PCDH9: variants seen among roughly 807,000 people sequenced by gnomAD.
PCDH9 encodes the protein protocadherin 9.
A neutral mutation model predicts 70.6 loss-of-function variants in PCDH9; 24 were observed. That is an observed-to-expected ratio of 0.34 (90% CI 0.25 to 0.48). The LOEUF (loss-of-function observed/expected upper bound fraction) is 0.48, where lower values mean the gene tolerates loss of function less well. Among genes scored for constraint, PCDH9 ranks in the 20% least tolerant of loss-of-function variants. PCDH9 has a pLI of 0.99. For synonymous variants in PCDH9, 562 were observed against 558.5 expected (o/e 1.01, Z -0.09); for missense variants, 1,281 against 1,503.6 (o/e 0.85, Z 2.45).
intron 4 of PCDH9, among the ~76,000 whole-genome samples, chr13:66,442,996 A>G (rs1053246034): frequency 8.5e-5 from 13 of 152,334 alleles, no homozygotes; most frequent in African/African-American, 3.1e-4. Context: ...ACACATTTCA[A>G]CAGGGCAAGC....
chr13:66,458,708 A>G (rs1958365610), intron 4 of PCDH9, among the ~76,000 whole-genome samples: 1 of 152,068 alleles, frequency 6.6e-6, no homozygotes, highest in Admixed American at 6.6e-5. Context: ...GTTATTACCT[A>G]GAAGACAAAT....
intron 4 of PCDH9, among the ~76,000 whole-genome samples, chr13:66,336,151 G>A (rs984131604): frequency 6.6e-6 from 1 of 152,094 alleles, no homozygotes; most frequent in African/African-American, 2.4e-5. Context: ...GCACAGGAGT[G>A]ATAGGACTAC....
chr13:67,026,339 C>T (rs1435431172), intron 2 of PCDH9, among the ~76,000 whole-genome samples: 1 of 151,726 alleles, frequency 6.6e-6, no homozygotes, highest in East Asian at 1.9e-4. Flanking sequence ...GGCTTTGGTA[C>T]CAGGATGATG....
chr13:66,793,988 A>C (rs1273355165), intron 3 of PCDH9, among the ~76,000 whole-genome samples: 2 of 152,114 alleles, frequency 1.3e-5, no homozygotes, highest in East Asian at 3.8e-4. Flanking sequence ...GCTAATTACA[A>C]TTATCATATA....
At chr13:66,511,521 G>T (rs1959471792) in intron 4 of PCDH9, among the ~76,000 whole-genome samples, 1 of 152,010 alleles carries the variant, frequency 6.6e-6, no homozygotes, top group Non-Finnish European at 1.5e-5. Context: ...GATGGTAGTG[G>T]TGCTATCAAT....
chr13:66,518,850 C>G (rs968726745), intron 4 of PCDH9, among the ~76,000 whole-genome samples: 1 of 152,102 alleles, frequency 6.6e-6, no homozygotes, highest in Admixed American at 6.6e-5. Context: ...GACCAAAACC[C>G]AAACGCATGA....
chr13:66,314,203 C>T (rs1181359253), intron 4 of PCDH9, among the ~76,000 whole-genome samples: 1 of 152,206 alleles, frequency 6.6e-6, no homozygotes, highest in East Asian at 1.9e-4. Context: ...AAACGCAAGA[C>T]ATTTAGAACT....
intron 4 of PCDH9, among the ~76,000 whole-genome samples, chr13:66,469,499 A>C (rs1365523505): frequency 6.6e-6 from 1 of 150,382 alleles, no homozygotes; most frequent in Non-Finnish European, 1.5e-5. Flanking sequence ...AGAAGGAGGG[A>C]AGAAGGAAGG....
intron 4 of PCDH9, among the ~76,000 whole-genome samples, chr13:66,388,129 A>T (rs1274219042): frequency 6.6e-6 from 1 of 152,188 alleles, no homozygotes; most frequent in African/African-American, 2.4e-5. Flanking sequence ...CTCAAATTTT[A>T]TCCATGACCA....
intron 4 of PCDH9, among the ~76,000 whole-genome samples, chr13:66,333,839 G>C (rs930217627): frequency 3.9e-5 from 6 of 152,070 alleles, no homozygotes; most frequent in Non-Finnish European, 7.4e-5. Flanking sequence ...TTAGGCCATG[G>C]GATCCAGATA....
At chr13:66,887,381 GA>G (rs989213080) in intron 3 of PCDH9, among the ~76,000 whole-genome samples, 10 of 144,910 alleles carry the variant, frequency 6.9e-5, no homozygotes, top group Admixed American at 3.4e-4. Context: ...TTCTGCCCTA[GA>G]AAAAAAAAAT....
intron 4 of PCDH9, among the ~76,000 whole-genome samples, chr13:66,555,837 A>G (rs1961712225): frequency 6.6e-6 from 1 of 150,690 alleles, no homozygotes; most frequent in Non-Finnish European, 1.5e-5. Context: ...AATAAGTACC[A>G]TGAAATTTTA....
chr13:66,570,170 T>A (rs779494631), intron 4 of PCDH9, among the ~76,000 whole-genome samples: 1 of 152,142 alleles, frequency 6.6e-6, no homozygotes, highest in Non-Finnish European at 1.5e-5. Context: ...AGTTAAATAC[T>A]ATATGATTCC....
chr13:66,980,093 T>TATCTA (rs956575674), intron 2 of PCDH9, among the ~76,000 whole-genome samples: 2 of 151,396 alleles, frequency 1.3e-5, no homozygotes, highest in African/African-American at 4.9e-5. Context: ...TCTATCTATC[T>TATCTA]ATCTATCTAT....
chr13:66,761,831 C>T (rs1566176937), intron 3 of PCDH9, among the ~76,000 whole-genome samples: 2 of 151,208 alleles, frequency 1.3e-5, no homozygotes, highest in Non-Finnish European at 2.9e-5. Flanking sequence ...TAAAAAAAAT[C>T]ATTATTTTGA....
chr13:66,561,843 C>T (rs535385042), intron 4 of PCDH9, among the ~76,000 whole-genome samples: 1 of 152,020 alleles, frequency 6.6e-6, no homozygotes, highest in Non-Finnish European at 1.5e-5. Flanking sequence ...GCAGGCTGCC[C>T]GAGTCAGCAG....
chr13:67,041,757 G>A (rs1174934946), intron 2 of PCDH9, among the ~76,000 whole-genome samples: 1 of 150,158 alleles, frequency 6.7e-6, no homozygotes, highest in East Asian at 2.0e-4. Flanking sequence ...TGTGAACCCA[G>A]GAGTCAGAGC....
chr13:66,663,547 T>C (rs183476282), intron 3 of PCDH9, among the ~76,000 whole-genome samples: 45 of 152,334 alleles, frequency 3.0e-4, no homozygotes, highest in African/African-American at 1.1e-3. Flanking sequence ...TGTTCTAAAA[T>C]GTTGTTAATT....
At chr13:66,624,809 T>C (rs577465497) in intron 4 of PCDH9, among the ~76,000 whole-genome samples, 6 of 152,338 alleles carry the variant, frequency 3.9e-5, no homozygotes, top group South Asian at 4.1e-4. Context: ...GTACAGTGTA[T>C]AGTAAACCTT....
Sources: gnomAD v4.1 joint callset for allele counts (sites outside exome capture counted in the v4.1 genomes callset) on GRCh38, gnomAD v4.1.1 for gene constraint, MANE v1.5 for transcripts, NCBI Gene and HGNC (gene_info 2026-07-23, HGNC 2026-07-21) for gene names.